Variants in WDR4 observed in about 807,000 individuals in gnomAD.
The protein encoded by WDR4 is tRNA (guanine-N(7)-)-methyltransferase non-catalytic subunit WDR4.
Under a neutral mutation model 48.6 loss-of-function variants are expected in WDR4, and 47 were observed. The ratio of observed to expected loss-of-function variants is 0.97; its 90% CI spans 0.77 to 1.23. The LOEUF (loss-of-function observed/expected upper bound fraction) is 1.23, where lower values mean the gene tolerates loss of function less well. Among genes scored for constraint, WDR4 ranks in the 50% most tolerant of loss-of-function variants. The probability of loss-of-function intolerance (pLI) is 0.00; values close to 1 mark genes in which losing one functional copy is unlikely to be tolerated. For missense variants in WDR4, 606 were observed against 551.6 expected, an observed-to-expected ratio of 1.10 and a Z score of -0.99; for synonymous variants, 268 against 230.0, an observed-to-expected ratio of 1.17 and a Z score of -1.49.
intron 1 of WDR4, chr21:42,879,017 C>T: frequency 1.9e-6 from 2 of 1,030,656 alleles, no homozygotes; most frequent in Non-Finnish European, 1.2e-6. Flanking sequence ...CCCGCTTCTT[C>T]CCAGTTCTGC....
At chr21:42,848,269 T>C (rs145227283), downstream of WDR4, among the ~76,000 whole-genome samples, 212 of 152,226 alleles carry the variant, frequency 1.4e-3, no homozygotes, top group African/African-American at 4.9e-3. Context: ...AGCCTGCCCA[T>C]TGCAGAAGCC....
chr21:42,863,378 C>T (rs1335943773), intron 4 of WDR4, 62 bp downstream of exon 4: 15 of 1,547,870 alleles, frequency 9.7e-6, no homozygotes, highest in South Asian at 4.8e-5. Flanking sequence ...CCACGTGCCA[C>T]GTCCCCCATG....
rs373638053 is a variant in WDR4, at chr21:42,849,745, AAC to A, written c.*302_*303del. Reference sequence around the variant, plus strand: ...CGAAGGGCGGTATGAGAACAGGAGAAACACAGACAGCTGCCGCCACCACCGGC... The same window carrying A: ...CGAAGGGCGGTATGAGAACAGGAGAAACAGACAGCTGCCGCCACCACCGGC... On this transcript the variant is annotated 3_prime_UTR_variant, in exon 11 of 11. Transcript: ENST00000398208. The A allele has an allele frequency of 1.8e-4, 57 of 325,624 alleles. 1 individual carries two copies. Among genetic ancestry groups the A allele is most frequent in the South Asian group, 1.5e-3 (33 of 22,028 alleles). The allele number at this position is 325,624 out of a possible 1,614,324, so 20.2% of individuals were successfully genotyped here.
upstream of WDR4, among the ~76,000 whole-genome samples, chr21:42,882,706 T>C (rs889018924): frequency 6.6e-6 from 1 of 152,082 alleles, no homozygotes; most frequent in African/African-American, 2.4e-5. Flanking sequence ...CTCACACCTG[T>C]AATCCCAGCA....
intron 5 of WDR4, among the ~76,000 whole-genome samples, chr21:42,859,946 C>G (rs1306765842): frequency 6.6e-6 from 1 of 152,130 alleles, no homozygotes; most frequent in African/African-American, 2.4e-5. Context: ...GAGGTCATTC[C>G]TGGGTCCCCA....
chr21:42,865,351 G>C (rs1210403022), intron 3 of WDR4, among the ~76,000 whole-genome samples: 1 of 152,166 alleles, frequency 6.6e-6, no homozygotes, highest in Non-Finnish European at 1.5e-5. Flanking sequence ...TCATTAAGCA[G>C]CTGCCACAAA....
downstream of WDR4, chr21:42,849,131 C>CTCA (rs2057751597): frequency 8.0e-6 from 1 of 124,272 alleles, no homozygotes; most frequent in African/African-American, 3.4e-5. Context: ...GCGGCGCGCA[C>CTCA]CTCACACAGC....
chr21:42,858,300 A>G (rs1340590220), intron 6 of WDR4, among the ~76,000 whole-genome samples: 1 of 152,158 alleles, frequency 6.6e-6, no homozygotes, highest in Admixed American at 6.5e-5. Context: ...ACTGGAGCAG[A>G]GAAAGTCCTC....
At chr21:42,863,143 C>T (rs2058157697) in intron 4 of WDR4, among the ~76,000 whole-genome samples, 1 of 152,206 alleles carries the variant, frequency 6.6e-6, no homozygotes, top group Non-Finnish European at 1.5e-5. Flanking sequence ...CTGCTGTCTG[C>T]TCCACCTTCC....
At chr21:42,867,263 T>C (rs2058266877) in intron 3 of WDR4, among the ~76,000 whole-genome samples, 1 of 152,042 alleles carries the variant, frequency 6.6e-6, no homozygotes, top group Non-Finnish European at 1.5e-5. Context: ...TGGTGGCTCA[T>C]TCCTATAATC....
At chr21:42,886,775 G>A in the WDR4 span, 97,886 of 152,240 alleles carry the variant, frequency 0.64, 33,205 homozygotes, top group African/African-American at 0.86. Context: ...TGTAGTTTTA[G>A]TAAGTCTTAA....
At position 42,855,835 on chromosome 21, in the gene WDR4, G is replaced by A. The variant is rs62215012; in HGVS notation, c.628-55C>T. ...ATGGTTGTGGGGCTTCCGTCAGGTA[G>A]GGTGACAGAGAGGACAGCTGCGTGT... On this transcript the variant is annotated intron_variant, in intron 6 of 10. Coordinates refer to ENST00000398208, the MANE Select transcript of WDR4 (RefSeq NM_018669.6). 192,095 of 1,419,800 alleles carry A rather than the reference G, an allele frequency of 0.14. 14,950 individuals carry two copies. Among genetic ancestry groups the A allele is most frequent in the Non-Finnish European group, 0.16 (163,480 of 1,050,136 alleles). The allele number at this position is 1,419,800 out of a possible 1,614,324, so 88.0% of individuals were successfully genotyped here. A position where few individuals can be genotyped will look rare whatever the true frequency, so the allele number is the denominator to read the frequency against.
At position 42,873,565 on chromosome 21, in the gene WDR4, T is replaced by C. The variant is rs375239188; in HGVS notation, c.282A>G (p.Gln94=). ...GCATCTCATACCTGACACTCAGACA[T>C]TGCCATGGTTTTGTACGGAAAAGAA... The part of the protein sequence containing the change: ...RLILFRTKPW[Q]CLSVRTVARR... Residue 94 remains glutamine (Q), a synonymous_variant, in exon 3 of 11, where the codon CAA becomes CAG. Transcript: ENST00000398208. The C allele has an allele frequency of 7.8e-5, 126 of 1,613,946 alleles. No individual in the cohort carries two copies. Among genetic ancestry groups the C allele is most frequent in the East Asian group, 1.8e-4 (8 of 44,904 alleles).
At chr21:42,889,907 A>T in the WDR4 span, among the ~76,000 whole-genome samples, 1 of 151,994 alleles carries the variant, frequency 6.6e-6, no homozygotes, top group African/African-American at 2.4e-5. Context: ...AATAGAACTT[A>T]TTACTTGTGT....
chr21:42,886,223 C>G, the WDR4 span, among the ~76,000 whole-genome samples: 3 of 152,184 alleles, frequency 2.0e-5, no homozygotes, highest in Non-Finnish European at 4.4e-5. Flanking sequence ...TCCCAAAGTG[C>G]TGGGATTACA....
At chr21:42,888,367 T>TAGGC in the WDR4 span, among the ~76,000 whole-genome samples, 3 of 152,148 alleles carry the variant, frequency 2.0e-5, no homozygotes, top group Non-Finnish European at 4.4e-5. Context: ...CAGACCAGCC[T>TAGGC]AGGCAACATG....
intron 1 of WDR4, chr21:42,879,088 C>G: frequency 1.4e-5 from 16 of 1,168,308 alleles, no homozygotes; most frequent in Non-Finnish European, 1.7e-5. Context: ...TCTACCTACC[C>G]GGTCCCCGCC....
chr21:42,885,888 G>A, the WDR4 span, among the ~76,000 whole-genome samples: 1 of 151,776 alleles, frequency 6.6e-6, no homozygotes, highest in Non-Finnish European at 1.5e-5. Flanking sequence ...TAGAGACGGG[G>A]GTCTTGTTCT....
intron 5 of WDR4, among the ~76,000 whole-genome samples, chr21:42,861,093 T>C (rs1409851463): frequency 6.6e-6 from 1 of 151,828 alleles, no homozygotes; most frequent in Non-Finnish European, 1.5e-5. Context: ...GGGCGAATCA[T>C]GAGGTCAGGA....
Sources: allele counts gnomAD v4.1 joint callset (sites outside exome capture counted in the v4.1 genomes callset), GRCh38; gene constraint gnomAD v4.1.1; transcripts MANE v1.5; gene names NCBI Gene and HGNC (gene_info 2026-07-23, HGNC 2026-07-21).